Variants in SMYD3 observed in about 807,000 individuals in gnomAD.
The protein encoded by SMYD3 is SET and MYND domain containing 3.
A neutral mutation model predicts 57.7 loss-of-function variants in SMYD3; 36 were observed. The observed-to-expected ratio is 0.62, with a 90% CI of 0.48 to 0.82. The LOEUF (loss-of-function observed/expected upper bound fraction) is 0.82, where lower values mean the gene tolerates loss of function less well. SMYD3 is among the 40% of genes least tolerant of loss of function. The probability of loss-of-function intolerance (pLI) is 0.00; values close to 1 mark genes in which losing one functional copy is unlikely to be tolerated. For synonymous variants in SMYD3, 211 were observed against 195.0 expected, an observed-to-expected ratio of 1.08 and a Z score of -0.68; for missense variants, 515 against 538.8, an observed-to-expected ratio of 0.96 and a Z score of 0.44.
At chr1:246,255,989 C>A (rs868498292) in intron 5 of SMYD3, among the ~76,000 whole-genome samples, 6 of 125,856 alleles carry the variant, frequency 4.8e-5, no homozygotes, top group African/African-American at 1.2e-4. Flanking sequence ...TAGATAGATA[C>A]ACACACACAT....
chr1:246,112,992 C>T (rs1221429890), intron 5 of SMYD3, among the ~76,000 whole-genome samples: 2 of 151,950 alleles, frequency 1.3e-5, no homozygotes, highest in Admixed American at 1.3e-4. Flanking sequence ...CCAGCCTGGC[C>T]AACATGGTGA....
At chr1:246,187,269 C>T (rs1259952380) in intron 5 of SMYD3, among the ~76,000 whole-genome samples, 1 of 135,788 alleles carries the variant, frequency 7.4e-6, no homozygotes, top group Admixed American at 8.1e-5. Context: ...GCCTAGGCAA[C>T]AGAGTGAGAC....
chr1:246,375,578 T>C (rs1382040011), intron 1 of SMYD3, among the ~76,000 whole-genome samples: 1 of 152,346 alleles, frequency 6.6e-6, no homozygotes, highest in Admixed American at 6.5e-5. Context: ...GAAGATGTTC[T>C]ACATTCTAGC....
chr1:246,474,493 T>C (rs1054810002), intron 1 of SMYD3, among the ~76,000 whole-genome samples: 11 of 119,164 alleles, frequency 9.2e-5, no homozygotes, highest in South Asian at 2.6e-4. Flanking sequence ...CACTCCAACC[T>C]GGACAACAGG....
intron 1 of SMYD3, among the ~76,000 whole-genome samples, chr1:246,470,875 T>C (rs2067952977): frequency 6.6e-6 from 1 of 152,140 alleles, no homozygotes; most frequent in African/African-American, 2.4e-5. Flanking sequence ...AATGGTTATA[T>C]AAGAGAATAT....
At chr1:246,318,341 C>G (rs2065197104) in intron 5 of SMYD3, among the ~76,000 whole-genome samples, 1 of 152,126 alleles carries the variant, frequency 6.6e-6, no homozygotes, top group Admixed American at 6.5e-5. Flanking sequence ...TGACTGCACT[C>G]TAGCCTGGGT....
chr1:245,901,586 T>G (rs1237304033), intron 8 of SMYD3, among the ~76,000 whole-genome samples: 2 of 152,156 alleles, frequency 1.3e-5, no homozygotes, highest in East Asian at 3.9e-4. Context: ...GGAGCAAATG[T>G]TAAAGAAACA....
intron 5 of SMYD3, among the ~76,000 whole-genome samples, chr1:246,133,893 A>C (rs1340406041): frequency 2.0e-5 from 3 of 152,128 alleles, no homozygotes; most frequent in Non-Finnish European, 4.4e-5. Flanking sequence ...TTATACCCTA[A>C]CATTTCATTT....
chr1:246,475,594 C>T (rs1330140639), intron 1 of SMYD3, among the ~76,000 whole-genome samples: 3 of 151,818 alleles, frequency 2.0e-5, no homozygotes, highest in South Asian at 2.1e-4. Context: ...TGCATTGAGT[C>T]GAGATCACAC....
At chr1:245,835,521 A>G (rs568383058) in intron 10 of SMYD3, among the ~76,000 whole-genome samples, 1 of 152,332 alleles carries the variant, frequency 6.6e-6, no homozygotes, top group Non-Finnish European at 1.5e-5. Context: ...CAAATGAGAC[A>G]ATCTGCTGAA....
intron 1 of SMYD3, among the ~76,000 whole-genome samples, chr1:246,431,211 T>C (rs2103009204): frequency 6.6e-6 from 1 of 152,108 alleles, no homozygotes; most frequent in South Asian, 2.1e-4. Context: ...AATATGTATC[T>C]TAATCAAAAA....
At chr1:245,906,072 C>T (rs2054541927) in intron 8 of SMYD3, among the ~76,000 whole-genome samples, 1 of 152,212 alleles carries the variant, frequency 6.6e-6, no homozygotes, top group Non-Finnish European at 1.5e-5. Context: ...ATCTCCAGGA[C>T]ACTGGGCTGG....
In SMYD3 at chr1:245,928,046, AG is replaced by A. The variant is rs753112522; in HGVS notation, c.600-14del. The A allele has an allele frequency of 6.3e-6, 10 of 1,599,116 alleles. No homozygotes were observed. The East Asian group carries it at 1.6e-4, about 25-fold the overall frequency. ...GAGCAAAGAGATACTGGAAAAAAAA[AG>A]GGGGGAAGACTGTCACAGCTCAGCA... On this transcript the variant is annotated splice_polypyrimidine_tract_variant and intron_variant, in intron 6 of 11. Transcript: ENST00000490107.
chr1:246,248,770 T>C (rs1335104443), intron 5 of SMYD3, among the ~76,000 whole-genome samples: 1 of 148,520 alleles, frequency 6.7e-6, no homozygotes, highest in East Asian at 2.0e-4. Context: ...GCCTCCCGAG[T>C]AGCTGGGACC....
chr1:246,260,648 G>T (rs529359765), intron 5 of SMYD3, among the ~76,000 whole-genome samples: 1 of 151,968 alleles, frequency 6.6e-6, no homozygotes, highest in Admixed American at 6.6e-5. Flanking sequence ...GGCCAGGATG[G>T]TCTCGATCTC....
At chr1:246,061,720 G>C (rs554959688) in intron 5 of SMYD3, among the ~76,000 whole-genome samples, 1 of 152,254 alleles carries the variant, frequency 6.6e-6, no homozygotes, top group Admixed American at 6.5e-5. Context: ...GTGAGACCCT[G>C]TCTCAAAAAT....
At chr1:246,506,996 C>CCCCCCCCCCCCCCCCCCCA in intron 1 of SMYD3, 58 bp downstream of exon 1, 4 of 815,818 alleles carry the variant, frequency 4.9e-6, no homozygotes, top group Middle Eastern at 3.4e-4. Flanking sequence ...GACGCCCCCC[C>CCCCCCCCCCCCCCCCCCCA]CTCCCCAGCA....
At chr1:245,828,139 A>G (rs1432382752) in intron 10 of SMYD3, among the ~76,000 whole-genome samples, 2 of 152,234 alleles carry the variant, frequency 1.3e-5, no homozygotes, top group Non-Finnish European at 2.9e-5. Flanking sequence ...ATATTAAATA[A>G]AGACACTCTG....
At chr1:246,461,689 G>T (rs1008798672) in intron 1 of SMYD3, among the ~76,000 whole-genome samples, 3 of 147,296 alleles carry the variant, frequency 2.0e-5, no homozygotes, top group African/African-American at 7.5e-5. Flanking sequence ...AGCCAAGATT[G>T]CGCCACTGCA....
Sources: gnomAD v4.1 joint callset for allele counts (sites outside exome capture counted in the v4.1 genomes callset) on GRCh38, gnomAD v4.1.1 for gene constraint, MANE v1.5 for transcripts, NCBI Gene and HGNC (gene_info 2026-07-23, HGNC 2026-07-21) for gene names.